Variants in ZNF121 observed in about 807,000 individuals in gnomAD.
ZNF121 encodes the protein zinc finger protein 121 (clone ZHC32).
A neutral mutation model predicts 2.4 loss-of-function variants in ZNF121; 1 was observed. The ratio of observed to expected loss-of-function variants is 0.41; its 90% CI spans 0.15 to 1.94. ZNF121 has a LOEUF of 1.94. ZNF121 is among the 30% of genes most tolerant of loss of function. The probability of loss-of-function intolerance (pLI) is 0.30; values close to 1 mark genes in which losing one functional copy is unlikely to be tolerated. For missense variants in ZNF121, 369 were observed against 466.3 expected (o/e 0.79, Z 1.92); for synonymous variants, 173 against 158.6 (o/e 1.09, Z -0.68).
At position 9,567,008 on chromosome 19, in the gene ZNF121, T is replaced by C. The variant is rs765921535; in HGVS notation, c.105A>G (p.Thr35=). The C allele has an allele frequency of 3.1e-6, 5 of 1,614,168 alleles. No homozygotes were observed. Among genetic ancestry groups the C allele is most frequent in the East Asian group, 4.5e-5 (2 of 44,886 alleles). The change falls in exon 4 of 4, where the codon ACA becomes ACG. Residue 35 remains threonine, a synonymous_variant. Transcript: ENST00000320451. The part of the protein sequence containing the change: ...CLNAHMGTEN[T]GDTYDCDEYG... ...ACTCATCACAGTCATAAGTGTCCCCTGTATTTTCAGTTCCCATGTGTGCAT... is the reference window on the plus strand; with the variant it reads ...ACTCATCACAGTCATAAGTGTCCCCCGTATTTTCAGTTCCCATGTGTGCAT...
At chr19:9,567,432 A>G (rs2074141595) in intron 3 of ZNF121, among the ~76,000 whole-genome samples, 1 of 152,106 alleles carries the variant, frequency 6.6e-6, no homozygotes, top group African/African-American at 2.4e-5. Context: ...GGTATCCCCA[A>G]ATGCATTACA....
Position 9,562,372 on chromosome 19 carries a change from G to A in ZNF121, c.*3568C>T. 2 of 189,122 alleles carry A rather than the reference G, an allele frequency of 1.1e-5. No homozygotes were observed. The highest frequency in any genetic ancestry group is 6.7e-5 in the South Asian group (1 of 14,892). 11.7% of individuals were successfully genotyped at this position (189,122 alleles called of 1,614,324 possible). ...GTAGAGACGGGGTTTCACCATGGTGGCCAGGCTGGTCTCGAACTCCTGACC... is the reference window on the plus strand; with the variant it reads ...GTAGAGACGGGGTTTCACCATGGTGACCAGGCTGGTCTCGAACTCCTGACC... On this transcript the variant is annotated 3_prime_UTR_variant, in exon 4 of 4. Coordinates refer to ENST00000320451, the MANE Select transcript of ZNF121 (RefSeq NM_001008727.5).
At chr19:9,571,736 T>C (rs1407650498) in intron 1 of ZNF121, among the ~76,000 whole-genome samples, 2 of 152,134 alleles carry the variant, frequency 1.3e-5, no homozygotes, top group African/African-American at 2.4e-5. Flanking sequence ...ATCCAATGAA[T>C]AGGAAGTAGA....
rs1400130465 is a variant in ZNF121, at chr19:9,583,413, C to A, written c.-160+1048G>T. Among the ~76,000 whole-genome samples, 5 of 147,438 alleles carry A rather than the reference C, an allele frequency of 3.4e-5. No individual in the cohort carries two copies. The South Asian group carries it at 6.5e-4, about 19-fold the overall frequency. ...AGATCTCGGCTCACTGCAACCTCGG[C>A]CTCTCAGGTTCAAGCAATCCTCCTG... On this transcript the variant is annotated intron_variant, in intron 1 of 3. Coordinates refer to ENST00000320451, the MANE Select transcript of ZNF121 (RefSeq NM_001008727.5).
intron 2 of ZNF121, 149 bp from the exon 3 acceptor site, chr19:9,568,324 A>G (rs909476452): frequency 1.7e-5 from 7 of 414,330 alleles, no homozygotes; most frequent in African/African-American, 1.4e-4. Context: ...CAGTTTATCC[A>G]TGACGAACAT....
chr19:9,566,929 A>G lies in ZNF121; in HGVS notation c.184T>C (p.Ser62Pro). The change falls in exon 4 of 4, where the codon TCT becomes CCT. Residue 62 changes from serine to proline, a missense_variant. Physicochemically the swap from Ser to Pro is moderately conservative, Grantham distance 74. This residue lies in a region of ZNF121 where 168 missense variants were observed against 162.3 expected (regional missense o/e 1.03). Coordinates refer to ENST00000320451, the MANE Select transcript of ZNF121 (RefSeq NM_001008727.5). ...HNSAPAGETL[S>P]VLNQCRKAFS... ...GCTTTTCTGCACTGATTCAACACAG[A>G]AAGTGTCTCTCCAGCAGGGGCACTG... 6.2e-7 allele frequency: 1 copy of G among 1,614,204 alleles called. No individual in the cohort carries two copies. Among genetic ancestry groups the G allele is most frequent in the Admixed American group, 1.7e-5 (1 of 60,014 alleles).
chr19:9,567,034 T>G lies in ZNF121; in HGVS notation c.79A>C (p.Asn27His), dbSNP rs1232750231. The change falls in exon 4 of 4, where the codon AAT (asparagine) becomes CAT (histidine). Residue 27 changes from asparagine to histidine, a missense_variant. Transcript: ENST00000320451. The part of the protein sequence containing the change: ...GEIFSEHSCL[N>H]AHMGTENTGD... The stretch of plus-strand genomic sequence containing the variant: ...GTATTTTCAGTTCCCATGTGTGCAT[T>G]AAGGCATGAGTGTTCACTGAAGATT... 6.2e-7 allele frequency: 1 copy of G among 1,614,168 alleles called. No individual in the cohort carries two copies. Among genetic ancestry groups the G allele is most frequent in the Admixed American group, 1.7e-5 (1 of 60,012 alleles).
rs925022575 is a variant in ZNF121, at chr19:9,563,497, C to G, written c.*2443G>C. 1 of 152,200 alleles carries G rather than the reference C, an allele frequency of 6.6e-6. No homozygotes were observed. The highest frequency in any genetic ancestry group is 2.1e-4 in the South Asian group (1 of 4,832). The allele number at this position is 152,200 out of a possible 1,614,324, so 9.4% of individuals were successfully genotyped here. ...AGAGGTAGCTCTACTAGAGTTTTAACAGAGACAAAACAGCCTTACTTCAGG... is the reference window on the plus strand; with the variant it reads ...AGAGGTAGCTCTACTAGAGTTTTAAGAGAGACAAAACAGCCTTACTTCAGG... On this transcript the variant is annotated 3_prime_UTR_variant, in exon 4 of 4. Coordinates refer to ENST00000320451, the MANE Select transcript of ZNF121 (RefSeq NM_001008727.5).
intron 3 of ZNF121, 92 bp from the exon 4 acceptor site, chr19:9,567,201 T>C: frequency 8.1e-7 from 1 of 1,238,774 alleles, no homozygotes; most frequent in Non-Finnish European, 1.1e-6. Flanking sequence ...ATTATGATTA[T>C]AATTTTTGCC....
chr19:9,564,800 C>CTAAAGAGAAGT lies in ZNF121; in HGVS notation c.*1129_*1139dup, dbSNP rs1304562086. The CTAAAGAGAAGT allele has an allele frequency of 6.6e-6, 1 of 152,224 alleles. No individual in the cohort carries two copies. The highest frequency in any genetic ancestry group is 1.9e-4 in the East Asian group (1 of 5,200). The allele number at this position is 152,224 out of a possible 1,614,324, so 9.4% of individuals were successfully genotyped here. Reference sequence around the variant, plus strand: ...AAATGTTATCAAACAGCGTCGAATGCTAAAGAGAAGTTTTTCATGTAATGA... The same window carrying CTAAAGAGAAGT: ...AAATGTTATCAAACAGCGTCGAATGCTAAAGAGAAGTTAAAGAGAAGTTTTTCATGTAATGA... On this transcript the variant is annotated 3_prime_UTR_variant, in exon 4 of 4. Transcript: ENST00000320451.
chr19:9,579,112 T>C (rs1355366963), intron 1 of ZNF121, among the ~76,000 whole-genome samples: 3 of 151,354 alleles, frequency 2.0e-5, no homozygotes, highest in Non-Finnish European at 4.4e-5. Context: ...ATCAAAGAAA[T>C]ACAAATCACA....
At position 9,566,822 on chromosome 19, in the gene ZNF121, A is replaced by T; in HGVS notation, c.291T>A (p.Phe97Leu). 3 of 1,614,196 alleles carry T rather than the reference A, an allele frequency of 1.9e-6. No individual in the cohort carries two copies. Among genetic ancestry groups the T allele is most frequent in the Non-Finnish European group, 2.5e-6 (3 of 1,180,036 alleles). The change falls in exon 4 of 4, where the codon TTT (phenylalanine) becomes TTA (leucine). Residue 97 changes from phenylalanine (F) to leucine (L), a missense_variant. Physicochemically the swap from Phe to Leu is conservative, Grantham distance 22. This residue lies in a region of ZNF121 where 168 missense variants were observed against 162.3 expected (regional missense o/e 1.03). Coordinates refer to ENST00000320451, the MANE Select transcript of ZNF121 (RefSeq NM_001008727.5). Reference protein sequence around the residue: ...SFEYSDCEEAFVDQSHLQANR... With the variant: ...SFEYSDCEEALVDQSHLQANR... ...TTGCCTGAAGATGTGACTGATCAAC[A>T]AAGGCTTCCTCACAGTCACTGTATT...
intron 1 of ZNF121, among the ~76,000 whole-genome samples, chr19:9,578,574 C>T (rs762002366): frequency 6.6e-6 from 1 of 152,108 alleles, no homozygotes; most frequent in Non-Finnish European, 1.5e-5. Flanking sequence ...TCATTTTCAA[C>T]AAAGGCACCA....
chr19:9,566,590 T>G lies in ZNF121; in HGVS notation c.523A>C (p.Lys175Gln). ...ACAGTGAAGCATTTCCCACATTCCTTACATTCATAGGGTTTCTCCCCAGTA... is the reference window on the plus strand; with the variant it reads ...ACAGTGAAGCATTTCCCACATTCCTGACATTCATAGGGTTTCTCCCCAGTA... ...THTGEKPYEC[K>Q]ECGKCFTVSS... Residue 175 changes from lysine to glutamine, a missense_variant, in exon 4 of 4, where the codon AAG becomes CAG. This residue lies in a region of ZNF121 where 68 missense variants were observed against 105.5 expected (regional missense o/e 0.64). Coordinates refer to ENST00000320451, the MANE Select transcript of ZNF121 (RefSeq NM_001008727.5). 2 of 1,614,262 alleles carry G rather than the reference T, an allele frequency of 1.2e-6. No individual in the cohort carries two copies. Among genetic ancestry groups the G allele is most frequent in the African/African-American group, 1.3e-5 (1 of 75,084 alleles).
intron 1 of ZNF121, among the ~76,000 whole-genome samples, chr19:9,578,029 A>C (rs1024494030): frequency 1.3e-4 from 14 of 107,872 alleles, no homozygotes; most frequent in African/African-American, 2.5e-4. Flanking sequence ...CATCTCTACT[A>C]AAAAAAAAAA....
rs1390666348 is a variant in ZNF121 at position 9,564,763 on chromosome 19, C to G, written c.*1177G>C. The stretch of plus-strand genomic sequence containing the variant: ...ATTAAGTCCAATTCTAAAAGAAGTT[C>G]CACTATGCGTAAAATGTTATCAAAC... On this transcript the variant is annotated 3_prime_UTR_variant, in exon 4 of 4. Transcript: ENST00000320451. 3 of 152,156 alleles carry G rather than the reference C, an allele frequency of 2.0e-5. No individual in the cohort carries two copies. Among genetic ancestry groups the G allele is most frequent in the Non-Finnish European group, 4.4e-5 (3 of 68,038 alleles). The allele number at this position is 152,156 out of a possible 1,614,324, so 9.4% of individuals were successfully genotyped here.
chr19:9,566,250 T>A lies in ZNF121; in HGVS notation c.863A>T (p.Glu288Val). Residue 288 changes from glutamate (E) to valine (V), a missense_variant, in exon 4 of 4, where the codon GAG becomes GTG. By Grantham distance (121) the Glu-to-Val change is moderately radical. Coordinates refer to ENST00000320451, the MANE Select transcript of ZNF121 (RefSeq NM_001008727.5). ...GGAAACAGTGAATGCTTTCCCACAC[T>A]CCTTACATTTATAGGGTTTTATTCC... ...HTGIKPYKCK[E>V]CGKAFTVSSS... is the part of the protein sequence containing the mutation. The A allele has an allele frequency of 6.2e-7, 1 of 1,614,190 alleles. No homozygotes were observed. The highest frequency in any genetic ancestry group is 1.6e-4 in the Middle Eastern group (1 of 6,062).
rs1040706263 is a variant in ZNF121 at position 9,563,038 on chromosome 19, G to C, written c.*2902C>G. On this transcript the variant is annotated 3_prime_UTR_variant, in exon 4 of 4. Transcript: ENST00000320451. ...GTACTACACTCCAGCCTGGGCAAAA[G>C]GGAGACCATGTCTCAAAAAAAAAAA... 2.1e-5 allele frequency: 3 copies of C among 145,172 alleles called. No individual in the cohort carries two copies. The highest frequency in any genetic ancestry group is 5.2e-5 in the African/African-American group (2 of 38,534). 9.0% of individuals were successfully genotyped at this position (145,172 alleles called of 1,614,324 possible). A position where few individuals can be genotyped will look rare whatever the true frequency, so the allele number is the denominator to read the frequency against.
chr19:9,566,264 G>C lies in ZNF121; in HGVS notation c.849C>G (p.Pro283=), dbSNP rs764371041. 23 of 1,613,950 alleles carry C rather than the reference G, an allele frequency of 1.4e-5. No homozygotes were observed. Among genetic ancestry groups the C allele is most frequent in the South Asian group, 7.7e-5 (7 of 91,070 alleles). Residue 283 remains proline, a synonymous_variant, in exon 4 of 4, where the codon CCC becomes CCG. Coordinates refer to ENST00000320451, the MANE Select transcript of ZNF121 (RefSeq NM_001008727.5). ...NHFRIHTGIK[P]YKCKECGKAF... ...CTTTCCCACACTCCTTACATTTATA[G>C]GGTTTTATTCCAGTGTGAATTCTAA...
Sources: gnomAD v4.1 joint callset for allele counts (sites outside exome capture counted in the v4.1 genomes callset) on GRCh38, gnomAD v4.1.1 for gene constraint, gnomAD v4.1.1 regional missense constraint, MANE v1.5 for transcripts, NCBI Gene and HGNC (gene_info 2026-07-23, HGNC 2026-07-21) for gene names.